The following PFAS variants were observed in gnomAD, a reference collection of about 807,000 sequenced individuals.
The protein encoded by PFAS is FGAM synthase.
PFAS carries 97 observed loss-of-function variants against 140.6 expected under a neutral mutation model. That is an observed-to-expected ratio of 0.69 (90% CI 0.59 to 0.82). PFAS has a LOEUF of 0.82. PFAS is among the 40% of genes least tolerant of loss of function. PFAS has a pLI of 0.00. For synonymous variants in PFAS, 679 were observed against 718.8 expected (o/e 0.94, Z 0.88); for missense variants, 1,656 against 1,780.2 (o/e 0.93, Z 1.26).
chr17:8,265,810 G>A (rs538328355), intron 20 of PFAS, 52 bp from the exon 21 acceptor site: 1 of 1,482,474 alleles, frequency 6.7e-7, no homozygotes, highest in East Asian at 2.3e-5. Flanking sequence ...GCCCCTCAGG[G>A]ATGGGTCCTC....
chr17:8,269,661 T>G lies in PFAS; in HGVS notation c.*397T>G, dbSNP rs1989955380. ...CGCTCCCTTTTCTCATCATTGGGGTTAGCGGGTGCAGACAAATTCAGCAAT... is the reference window on the plus strand; with the variant it reads ...CGCTCCCTTTTCTCATCATTGGGGTGAGCGGGTGCAGACAAATTCAGCAAT... On this transcript the variant is annotated 3_prime_UTR_variant, in exon 28 of 28. Coordinates refer to ENST00000314666, the MANE Select transcript of PFAS (RefSeq NM_012393.3). 5.2e-6 allele frequency: 1 copy of G among 191,786 alleles called. No individual in the cohort carries two copies. The highest frequency in any genetic ancestry group is 5.3e-5 in the Admixed American group (1 of 18,976). The allele number at this position is 191,786 out of a possible 1,614,324, so 11.9% of individuals were successfully genotyped here. A position where few individuals can be genotyped will look rare whatever the true frequency, so the allele number is the denominator to read the frequency against.
rs756663392 is a variant in PFAS at position 8,266,777 on chromosome 17, A to G, written c.2846A>G (p.Glu949Gly). The G allele has an allele frequency of 6.2e-7, 1 of 1,611,092 alleles. No individual in the cohort carries two copies. The highest frequency in any genetic ancestry group is 8.5e-7 in the Non-Finnish European group (1 of 1,178,818). ...VDVLSVLFAE[E>G]PGLVLEVQEP... The stretch of plus-strand genomic sequence containing the variant: ...GTCCTGTCTGTGCTGTTCGCTGAGG[A>G]GCCAGGCCTCGTGCTGGAGGTGCAG... Residue 949 changes from glutamate to glycine, a missense_variant, in exon 23 of 28, where the codon GAG becomes GGG. Glu to Gly is a moderately conservative substitution (Grantham distance 98). This residue lies in a region of PFAS where 883 missense variants were observed against 1,023.0 expected (regional missense o/e 0.86). Transcript: ENST00000314666. The surrounding 1 kb of genome is among the most constrained non-coding windows in gnomAD (Gnocchi z 5.0).
At chr17:8,251,516 G>C (rs1567633192) in intron 1 of PFAS, among the ~76,000 whole-genome samples, 1 of 151,826 alleles carries the variant, frequency 6.6e-6, no homozygotes, top group Non-Finnish European at 1.5e-5. Flanking sequence ...CAAACTCCTG[G>C]GCTCAAGCAG....
chr17:8,263,653 G>T lies in PFAS; in HGVS notation c.1629+17G>T, dbSNP rs376809328. The T allele has an allele frequency of 2.2e-5, 35 of 1,612,554 alleles. No homozygotes were observed. Among genetic ancestry groups the T allele is most frequent in the Non-Finnish European group, 2.7e-5 (32 of 1,178,706 alleles). The stretch of plus-strand genomic sequence containing the variant: ...CGCTTCCAGGTGGGTCTCGTCCCCT[G>T]AAGTGTGACATTTTCCCACCCCTGC... On this transcript the variant is annotated intron_variant, in intron 14 of 27. Transcript: ENST00000314666.
At position 8,266,665 on chromosome 17, in the gene PFAS, A is replaced by C. The variant is rs1597429891; in HGVS notation, c.2822-88A>C. The C allele has an allele frequency of 6.6e-7, 1 of 1,526,032 alleles. No individual in the cohort carries two copies. Among genetic ancestry groups the C allele is most frequent in the East Asian group, 2.3e-5 (1 of 44,190 alleles). The allele number at this position is 1,526,032 out of a possible 1,614,324, so 94.5% of individuals were successfully genotyped here. A position where few individuals can be genotyped will look rare whatever the true frequency, so the allele number is the denominator to read the frequency against. ...CTCTGGCTGCATCCCTCTGACCCTC[A>C]CCCTGGCCCTTCCTGCATTTCCCTG... On this transcript the variant is annotated intron_variant, in intron 22 of 27. Transcript: ENST00000314666. The surrounding 1 kb of genome is among the most constrained non-coding windows in gnomAD (Gnocchi z 5.0).
chr17:8,263,087 G>A (rs1357158397), intron 12 of PFAS, 22 bp from the exon 13 acceptor site: 1 of 1,613,742 alleles, frequency 6.2e-7, no homozygotes, highest in South Asian at 1.1e-5. Flanking sequence ...GCTGAGCTGA[G>A]CTATGCCATA....
At chr17:8,248,091 T>C (rs1278708160), upstream of PFAS, 1 of 126,854 alleles carries the variant, frequency 7.9e-6, no homozygotes, top group Non-Finnish European at 1.6e-5. Flanking sequence ...GGGGTGGGGA[T>C]GGGGGTGGGG....
In PFAS at chr17:8,268,798, C is replaced by T. The variant is rs749814584; in HGVS notation, c.3648C>T (p.Ala1216=). 5.0e-6 allele frequency: 8 copies of T among 1,608,680 alleles called. No individual in the cohort carries two copies. The highest frequency in any genetic ancestry group is 6.8e-6 in the Non-Finnish European group (8 of 1,179,756). Residue 1216 remains alanine (A), a synonymous_variant, in exon 27 of 28, where the codon GCC becomes GCT. Coordinates refer to ENST00000314666, the MANE Select transcript of PFAS (RefSeq NM_012393.3). Reference sequence around the variant, plus strand: ...GCGTGCGTGTGGGGCCTGGGCCAGCCCTGATGCTGCGAGGGATGGAGGGCG... The same window carrying T: ...GCGTGCGTGTGGGGCCTGGGCCAGCTCTGATGCTGCGAGGGATGGAGGGCG... ...WASVRVGPGP[A]LMLRGMEGAV... is the part of the protein sequence containing the mutation.
chr17:8,264,715 C>A, intron 17 of PFAS, 114 bp downstream of exon 17: 1 of 1,226,070 alleles, frequency 8.2e-7, no homozygotes, highest in Non-Finnish European at 1.1e-6. Flanking sequence ...CAGGAAGCAG[C>A]AGGGGCAGGG....
upstream of PFAS, among the ~76,000 whole-genome samples, chr17:8,248,691 G>A (rs1333230701): frequency 6.6e-6 from 1 of 151,814 alleles, no homozygotes; most frequent in East Asian, 1.9e-4. Flanking sequence ...CCAAGTAGCT[G>A]GGATCGCAGG....
intron 11 of PFAS, among the ~76,000 whole-genome samples, chr17:8,258,408 C>A (rs971429112): frequency 1.1e-4 from 17 of 152,168 alleles, no homozygotes; most frequent in African/African-American, 3.6e-4. Flanking sequence ...TGTACATACA[C>A]AAACCTAGAT....
At chr17:8,264,718 G>C (rs1378733226) in intron 17 of PFAS, 117 bp downstream of exon 17, 3 of 1,201,804 alleles carry the variant, frequency 2.5e-6, no homozygotes, top group South Asian at 2.9e-5. Flanking sequence ...GAAGCAGCAG[G>C]GGCAGGGCAG....
upstream of PFAS, among the ~76,000 whole-genome samples, chr17:8,248,368 G>A (rs1276813450): frequency 1.7e-4 from 25 of 147,400 alleles, no homozygotes; most frequent in Admixed American, 1.3e-3. Flanking sequence ...AGCCTCCTGA[G>A]TAGCTAGGAT....
At chr17:8,262,640 AC>A in intron 11 of PFAS, 1 of 337,194 alleles carries the variant, frequency 3.0e-6, no homozygotes, top group East Asian at 6.6e-5. Flanking sequence ...CTGAAAAAAT[AC>A]AAAAATTAGC....
chr17:8,258,460 A>G (rs1276208238), intron 11 of PFAS, among the ~76,000 whole-genome samples: 2 of 152,220 alleles, frequency 1.3e-5, no homozygotes, highest in African/African-American at 2.4e-5. Flanking sequence ...CTTACTGGCA[A>G]TATTATCCAG....
chr17:8,255,515 C>G lies in PFAS; in HGVS notation c.398C>G (p.Pro133Arg), dbSNP rs527250739. The G allele has an allele frequency of 8.6e-6, 13 of 1,517,706 alleles. No individual in the cohort carries two copies. Among genetic ancestry groups the G allele is most frequent in the Non-Finnish European group, 1.1e-5 (13 of 1,134,482 alleles). The allele number at this position is 1,517,706 out of a possible 1,614,324, so 94.0% of individuals were successfully genotyped here. A position where few individuals can be genotyped will look rare whatever the true frequency, so the allele number is the denominator to read the frequency against. Residue 133 changes from proline (P) to arginine (R), a missense_variant, in exon 5 of 28, where the codon CCG (proline) becomes CGG (arginine). Around this residue, in one of 2 missense-constraint regions of PFAS, gnomAD observed 773 missense variants for 757.3 expected, o/e 1.02. Transcript: ENST00000314666. Reference protein sequence around the residue: ...RRYRLSFAHPPSAEVEAIALA... With the variant: ...RRYRLSFAHPRSAEVEAIALA... ...CTGCACCCCTAGTTTGCCCACCCCC[C>G]GTCAGCTGAGGTGGAAGCCATTGCT...
chr17:8,263,387 T>C lies in PFAS; in HGVS notation c.1567+122T>C, dbSNP rs1989673700. 7 of 1,168,076 alleles carry C rather than the reference T, an allele frequency of 6.0e-6. No individual in the cohort carries two copies. In the Admixed American group the frequency reaches 1.1e-4, roughly 19 times the overall value. The allele number at this position is 1,168,076 out of a possible 1,614,324, so 72.4% of individuals were successfully genotyped here. A position where few individuals can be genotyped will look rare whatever the true frequency, so the allele number is the denominator to read the frequency against. On this transcript the variant is annotated intron_variant, in intron 13 of 27. Transcript: ENST00000314666. Reference sequence around the variant, plus strand: ...GCTCTGGGTCCCATTCTCCATGCTCTGTACATTCTAGACAGGTTCAGGGTT... The same window carrying C: ...GCTCTGGGTCCCATTCTCCATGCTCCGTACATTCTAGACAGGTTCAGGGTT...
intron 11 of PFAS, among the ~76,000 whole-genome samples, chr17:8,260,043 G>A (rs1468830619): frequency 6.6e-6 from 1 of 151,954 alleles, no homozygotes; most frequent in Non-Finnish European, 1.5e-5. Context: ...GGAGGTTGCA[G>A]TGAGCCAAGT....
intron 3 of PFAS, 100 bp downstream of exon 3, chr17:8,254,401 G>A (rs527719470): frequency 1.4e-6 from 2 of 1,404,936 alleles, no homozygotes; most frequent in South Asian, 2.4e-5. Context: ...GCTACTTCCT[G>A]CCTAGGAAAC....
Sources: allele counts gnomAD v4.1 joint callset (sites outside exome capture counted in the v4.1 genomes callset), GRCh38; gene constraint gnomAD v4.1.1; regional missense constraint gnomAD v4.1.1; non-coding constraint Gnocchi (gnomAD v3.1); transcripts MANE v1.5; gene names NCBI Gene and HGNC (gene_info 2026-07-23, HGNC 2026-07-21).